Variants in PITPNC1 observed in about 807,000 individuals in gnomAD.
PITPNC1 encodes the protein phosphatidylinositol transfer protein cytoplasmic 1.
A neutral mutation model predicts 44.7 loss-of-function variants in PITPNC1; 18 were observed. That is an observed-to-expected ratio of 0.40 (90% CI 0.28 to 0.60). PITPNC1 has a LOEUF of 0.60. Among genes scored for constraint, PITPNC1 ranks in the 20% least tolerant of loss-of-function variants. The pLI is 0.39. For synonymous variants in PITPNC1, 141 were observed against 149.6 expected (o/e 0.94, Z 0.42); for missense variants, 290 against 418.4 (o/e 0.69, Z 2.68).
intron 1 of PITPNC1, among the ~76,000 whole-genome samples, chr17:67,385,479 C>T (rs988895261): frequency 6.8e-6 from 1 of 146,354 alleles, no homozygotes; most frequent in South Asian, 2.3e-4. Flanking sequence ...GCTGACCACC[C>T]CTCCCCCCTC....
chr17:67,649,135 C>T (rs1047446249), intron 6 of PITPNC1, among the ~76,000 whole-genome samples: 1 of 152,184 alleles, frequency 6.6e-6, no homozygotes, highest in African/African-American at 2.4e-5. Context: ...GCCTGGGTGA[C>T]AGAGTGAGAC....
At chr17:67,569,137 T>A (rs1034482701) in intron 4 of PITPNC1, among the ~76,000 whole-genome samples, 2 of 152,124 alleles carry the variant, frequency 1.3e-5, no homozygotes, top group Non-Finnish European at 2.9e-5. Flanking sequence ...ACCCAGAAAC[T>A]GACTATGAAA....
intron 1 of PITPNC1, among the ~76,000 whole-genome samples, chr17:67,404,064 C>T (rs1407597745): frequency 1.3e-5 from 2 of 152,116 alleles, no homozygotes; most frequent in Non-Finnish European, 2.9e-5. Flanking sequence ...GCTACAAATT[C>T]CATTCCAACA....
intron 1 of PITPNC1, among the ~76,000 whole-genome samples, chr17:67,498,632 T>C (rs1279746762): frequency 6.6e-6 from 1 of 152,196 alleles, no homozygotes; most frequent in African/African-American, 2.4e-5. Context: ...TTGTTCTCCA[T>C]AGCGGCTGTG....
chr17:67,484,107 G>A (rs1388972767), intron 1 of PITPNC1, among the ~76,000 whole-genome samples: 3 of 151,862 alleles, frequency 2.0e-5, no homozygotes, highest in Middle Eastern at 3.2e-3. Context: ...TAGTAGAGAC[G>A]GGGTTTCTCC....
intron 1 of PITPNC1, among the ~76,000 whole-genome samples, chr17:67,501,604 G>A (rs1330071837): frequency 1.3e-5 from 2 of 152,200 alleles, no homozygotes; most frequent in Non-Finnish European, 2.9e-5. Context: ...GGCCAAGGCG[G>A]GCAGATTGCC....
At chr17:67,615,304 T>C (rs531062607) in intron 5 of PITPNC1, among the ~76,000 whole-genome samples, 1 of 152,384 alleles carries the variant, frequency 6.6e-6, no homozygotes, top group Admixed American at 6.5e-5. Flanking sequence ...TTAAGTGTTT[T>C]TGGGCTAGTG....
In PITPNC1 at chr17:67,377,614, A is replaced by G. The variant is rs2037890869; in HGVS notation, c.-541A>G. 1 of 152,642 alleles carries G rather than the reference A, an allele frequency of 6.6e-6. No individual in the cohort carries two copies. Among genetic ancestry groups the G allele is most frequent in the African/African-American group, 2.4e-5 (1 of 41,422 alleles). 9.5% of individuals were successfully genotyped at this position (152,642 alleles called of 1,614,324 possible). ...ACCGCCCGCGGAGAGAAGCCGATCG[A>G]GCCTTTGTCTGGAAAGTCAGCATCT... On this transcript the variant is annotated 5_prime_UTR_variant, in exon 1 of 9. Transcript: ENST00000581322.
At chr17:67,667,384 C>T (rs1373235717) in intron 6 of PITPNC1, among the ~76,000 whole-genome samples, 3 of 151,052 alleles carry the variant, frequency 2.0e-5, no homozygotes, top group Non-Finnish European at 2.9e-5. Flanking sequence ...CAAAAATTAG[C>T]CAGGCATGGT....
chr17:67,598,127 C>G (rs1482395771), intron 5 of PITPNC1, among the ~76,000 whole-genome samples: 1 of 152,076 alleles, frequency 6.6e-6, no homozygotes, highest in African/African-American at 2.4e-5. Context: ...GAGGCTGAGG[C>G]AGGAGAATCG....
chr17:67,528,908 G>GCAA, intron 1 of PITPNC1, among the ~76,000 whole-genome samples: 1 of 152,064 alleles, frequency 6.6e-6, no homozygotes. Context: ...TTTAAAAACA[G>GCAA]CAACAAAACC....
At chr17:67,466,435 G>C (rs1282303426) in intron 1 of PITPNC1, among the ~76,000 whole-genome samples, 1 of 152,192 alleles carries the variant, frequency 6.6e-6, no homozygotes, top group Non-Finnish European at 1.5e-5. Flanking sequence ...CAAGGGGGCA[G>C]ATGGGACCCA....
At chr17:67,606,792 A>G (rs1382142575) in intron 5 of PITPNC1, among the ~76,000 whole-genome samples, 1 of 152,142 alleles carries the variant, frequency 6.6e-6, no homozygotes, top group Non-Finnish European at 1.5e-5. Flanking sequence ...TTTATTAAAA[A>G]ATAATAATAA....
At chr17:67,633,658 G>A (rs544775197) in intron 6 of PITPNC1, among the ~76,000 whole-genome samples, 1 of 152,382 alleles carries the variant, frequency 6.6e-6, no homozygotes, top group African/African-American at 2.4e-5. Flanking sequence ...CCGCCGAAGA[G>A]GGAAATAAAC....
intron 5 of PITPNC1, among the ~76,000 whole-genome samples, chr17:67,601,841 T>G (rs756722064): frequency 6.6e-6 from 1 of 151,126 alleles, no homozygotes; most frequent in Non-Finnish European, 1.5e-5. Flanking sequence ...ACCTCTGAAA[T>G]AGAAGGAAAA....
intron 1 of PITPNC1, among the ~76,000 whole-genome samples, chr17:67,454,846 G>C (rs1454868715): frequency 7.0e-6 from 1 of 143,736 alleles, no homozygotes; most frequent in African/African-American, 2.6e-5. Context: ...TTGAGTCAGG[G>C]TCTCACTGTG....
intron 6 of PITPNC1, among the ~76,000 whole-genome samples, chr17:67,654,705 T>C (rs112553420): frequency 0.025 from 3,768 of 152,286 alleles, 151 homozygotes; most frequent in African/African-American, 0.085. Flanking sequence ...CAATCTTGGC[T>C]CACTGCAACC....
chr17:67,596,697 C>T (rs540665699), intron 5 of PITPNC1, among the ~76,000 whole-genome samples: 88 of 151,928 alleles, frequency 5.8e-4, no homozygotes, highest in South Asian at 1.0e-3. Context: ...AGATCAGACT[C>T]GATTTGCTCA....
chr17:67,442,244 T>TATAC (rs2086057875), intron 1 of PITPNC1, among the ~76,000 whole-genome samples: 1 of 122,594 alleles, frequency 8.2e-6, no homozygotes, highest in Middle Eastern at 4.1e-3. Flanking sequence ...TATATATATA[T>TATAC]ATATGCATGA....
Sources: allele counts gnomAD v4.1 joint callset (sites outside exome capture counted in the v4.1 genomes callset), GRCh38; gene constraint gnomAD v4.1.1; transcripts MANE v1.5; gene names NCBI Gene and HGNC (gene_info 2026-07-23, HGNC 2026-07-21).